The following TMTC1 variants were observed in gnomAD, a reference collection of about 807,000 sequenced individuals.
The protein encoded by TMTC1 is transmembrane O-mannosyltransferase targeting cadherins 1.
Under a neutral mutation model 104.8 loss-of-function variants are expected in TMTC1, and 73 were observed. The observed-to-expected ratio is 0.70, with a 90% CI of 0.58 to 0.85. The LOEUF (loss-of-function observed/expected upper bound fraction) is 0.85, where lower values mean the gene tolerates loss of function less well. Among genes scored for constraint, TMTC1 ranks in the 40% least tolerant of loss-of-function variants. TMTC1 has a pLI of 0.00. For missense variants in TMTC1, 1,035 were observed against 1,096.1 expected (o/e 0.94, Z 0.79); for synonymous variants, 434 against 428.7 (o/e 1.01, Z -0.15).
intron 11 of TMTC1, among the ~76,000 whole-genome samples, chr12:29,531,620 C>A (rs1269394861): frequency 6.6e-6 from 1 of 152,054 alleles, no homozygotes; most frequent in Non-Finnish European, 1.5e-5. Context: ...ATATTTACTA[C>A]CCTATCTGTG....
intron 5 of TMTC1, among the ~76,000 whole-genome samples, chr12:29,669,621 A>G (rs1056118829): frequency 7.9e-5 from 12 of 152,360 alleles, no homozygotes; most frequent in African/African-American, 2.4e-4. Context: ...TCATAAGAAT[A>G]AGTGAGAAAA....
chr12:29,727,321 T>C (rs780139026), intron 5 of TMTC1, among the ~76,000 whole-genome samples: 1 of 152,220 alleles, frequency 6.6e-6, no homozygotes, highest in Non-Finnish European at 1.5e-5. Context: ...AGAGAGAAAG[T>C]GTGGGAACTT....
At chr12:29,779,349 C>A (rs1209638091) in intron 1 of TMTC1, among the ~76,000 whole-genome samples, 1 of 152,200 alleles carries the variant, frequency 6.6e-6, no homozygotes, top group Non-Finnish European at 1.5e-5. Context: ...GAAACATAGT[C>A]CCAACTTAGC....
At chr12:29,602,094 A>G (rs565325881) in intron 7 of TMTC1, among the ~76,000 whole-genome samples, 21 of 151,890 alleles carry the variant, frequency 1.4e-4, no homozygotes, top group Middle Eastern at 3.4e-3. Flanking sequence ...TCGGCCTCCC[A>G]AAGTGCTGAG....
At chr12:29,700,204 A>G (rs538481640) in intron 5 of TMTC1, among the ~76,000 whole-genome samples, 637 of 147,120 alleles carry the variant, frequency 4.3e-3, no homozygotes, top group Non-Finnish European at 6.3e-3. Context: ...ACTCCCCACC[A>G]TGTCTGGCTA....
intron 5 of TMTC1, among the ~76,000 whole-genome samples, chr12:29,642,376 A>C (rs1938892016): frequency 6.6e-6 from 1 of 152,188 alleles, no homozygotes; most frequent in Non-Finnish European, 1.5e-5. Flanking sequence ...AAAACCTATC[A>C]AATTAATAGC....
chr12:29,550,933 CAAAAAAAAAAAAAAAA>C (rs200605964), intron 10 of TMTC1, among the ~76,000 whole-genome samples: 34 of 108,326 alleles, frequency 3.1e-4, no homozygotes, highest in African/African-American at 5.5e-4. Context: ...GACTCCATCT[CAAAAAAAAAAAAAAAA>C]AAAAAAAAAA....
intron 5 of TMTC1, among the ~76,000 whole-genome samples, chr12:29,681,725 A>G (rs2136716990): frequency 6.6e-6 from 1 of 151,856 alleles, no homozygotes; most frequent in East Asian, 2.0e-4. Context: ...TGAGATGGGA[A>G]GGTGGAATCT....
chr12:29,621,969 T>G (rs1299123911), intron 6 of TMTC1, among the ~76,000 whole-genome samples: 1 of 152,162 alleles, frequency 6.6e-6, no homozygotes, highest in Admixed American at 6.5e-5. Flanking sequence ...TTGGCTTGTT[T>G]TCTGGGGCTC....
intron 9 of TMTC1, among the ~76,000 whole-genome samples, chr12:29,571,163 G>C (rs1945665773): frequency 6.6e-6 from 1 of 152,072 alleles, no homozygotes; most frequent in Non-Finnish European, 1.5e-5. Context: ...AATCTGTGGA[G>C]GCATAAAAAC....
Position 29,783,413 on chromosome 12 carries a change from G to A in TMTC1, c.302+37C>T. ...GTCCGAGGGACGGGCGGAGGGTAGA[G>A]GAGGCAGCGGCGGCTAGCGCGAGGT... On this transcript the variant is annotated intron_variant, in intron 1 of 17. Coordinates refer to ENST00000539277, the MANE Select transcript of TMTC1 (RefSeq NM_001193451.2). The surrounding 1 kb of genome is among the most constrained non-coding windows in gnomAD (Gnocchi z 4.7). 7.8e-7 allele frequency: 1 copy of A among 1,283,114 alleles called. No individual in the cohort carries two copies. The highest frequency in any genetic ancestry group is 9.9e-7 in the Non-Finnish European group (1 of 1,011,938). 79.5% of individuals were successfully genotyped at this position (1,283,114 alleles called of 1,614,324 possible).
At chr12:29,762,607 C>T (rs1196391959) in intron 2 of TMTC1, among the ~76,000 whole-genome samples, 1 of 152,222 alleles carries the variant, frequency 6.6e-6, no homozygotes, top group Non-Finnish European at 1.5e-5. Flanking sequence ...AGAAAAATTC[C>T]AGTCCTTCTT....
intron 6 of TMTC1, among the ~76,000 whole-genome samples, chr12:29,605,571 T>TAAAAAAAAAAAAA (rs34353381): frequency 2.0e-5 from 2 of 101,884 alleles, no homozygotes; most frequent in Non-Finnish European, 4.1e-5. Context: ...CCAAAAAGGG[T>TAAAAAAAAAAAAA]AAAAAAAAAA....
In TMTC1 at chr12:29,572,090, C is replaced by T. The variant is rs143807218; in HGVS notation, c.1532+15G>A. The T allele has an allele frequency of 2.4e-4, 379 of 1,602,404 alleles. 2 individuals carry two copies. In the East Asian group the frequency reaches 7.6e-3, roughly 32 times the overall value. On this transcript the variant is annotated intron_variant, in intron 9 of 17. Transcript: ENST00000539277. ...TAAAGCACCAAGGCCAACACCCTCC[C>T]TGTGTGGCGCTTACTTGAGAGCTGT...
intron 9 of TMTC1, among the ~76,000 whole-genome samples, chr12:29,571,691 T>C (rs1039242833): frequency 6.6e-6 from 1 of 151,694 alleles, no homozygotes; most frequent in South Asian, 2.1e-4. Context: ...TTAATTTCTA[T>C]ACTCAAATGT....
intron 7 of TMTC1, 138 bp downstream of exon 7, chr12:29,604,040 G>T: frequency 8.4e-7 from 1 of 1,196,384 alleles, no homozygotes; most frequent in Non-Finnish European, 1.1e-6. Flanking sequence ...CTGTGTGGCT[G>T]TTTTTAAAGC....
chr12:29,664,912 T>G (rs766545897), intron 5 of TMTC1, among the ~76,000 whole-genome samples: 10 of 152,224 alleles, frequency 6.6e-5, no homozygotes, highest in Non-Finnish European at 1.2e-4. Context: ...ACCAGACCAC[T>G]GATGAAACCA....
chr12:29,604,461 C>A (rs773304127), intron 6 of TMTC1, among the ~76,000 whole-genome samples, 162 bp from the exon 7 acceptor site: 1 of 152,148 alleles, frequency 6.6e-6, no homozygotes, highest in Non-Finnish European at 1.5e-5. Flanking sequence ...AGAAAGCTGA[C>A]GGGCTAAAAT....
chr12:29,634,492 C>A (rs974192934), intron 5 of TMTC1, among the ~76,000 whole-genome samples: 1 of 152,206 alleles, frequency 6.6e-6, no homozygotes, highest in African/African-American at 2.4e-5. Context: ...CTCCCTCACC[C>A]TCCCTTTGAA....
Sources: allele counts gnomAD v4.1 joint callset (sites outside exome capture counted in the v4.1 genomes callset), GRCh38; gene constraint gnomAD v4.1.1; non-coding constraint Gnocchi (gnomAD v3.1); transcripts MANE v1.5; gene names NCBI Gene and HGNC (gene_info 2026-07-23, HGNC 2026-07-21).